The following PIEZO1 variants were observed in gnomAD, a reference collection of about 807,000 sequenced individuals.
PIEZO1 encodes the protein piezo type mechanosensitive ion channel component 1 (Er blood group).
Under a neutral mutation model 297.2 loss-of-function variants are expected in PIEZO1, and 296 were observed. The ratio of observed to expected loss-of-function variants is 1.00; its 90% CI spans 0.91 to 1.10. The LOEUF is 1.10. Among genes scored for constraint, PIEZO1 ranks in the 50% least tolerant of loss-of-function variants. The pLI is 0.00. For synonymous variants in PIEZO1, 2,427 were observed against 1,507.5 expected (o/e 1.61, Z -14.13); for missense variants, 5,018 against 3,455.5 (o/e 1.45, Z -11.34).
intron 1 of PIEZO1, among the ~76,000 whole-genome samples, chr16:88,767,621 G>C (rs1471903358): frequency 6.6e-6 from 1 of 152,150 alleles, no homozygotes; most frequent in Non-Finnish European, 1.5e-5. Context: ...CATTTGCAGG[G>C]GGAGCCCATG....
chr16:88,734,511 G>C lies in PIEZO1; in HGVS notation c.2025C>G (p.Phe675Leu). 5 of 1,546,710 alleles carry C rather than the reference G, an allele frequency of 3.2e-6. No homozygotes were observed. Among genetic ancestry groups the C allele is most frequent in the Non-Finnish European group, 4.4e-6 (5 of 1,145,074 alleles). Residue 675 changes from phenylalanine (F) to leucine (L), a missense_variant, in exon 16 of 51, where the codon TTC (phenylalanine) becomes TTG (leucine). Physicochemically the swap from Phe to Leu is conservative, Grantham distance 22 (BLOSUM62 0). Coordinates refer to ENST00000301015, the MANE Select transcript of PIEZO1 (RefSeq NM_001142864.4). ...EQLGDLGLEQ[F>L]SVSELFSSIL... ...TGCTGGAGAAGAGCTCGGACACGCT[G>C]AACTGCTCCAGGCCCAGGTCCCCCA...
chr16:88,725,173 G>C (rs1308090511), intron 29 of PIEZO1, 93 bp from the exon 30 acceptor site: 2 of 905,624 alleles, frequency 2.2e-6, no homozygotes, highest in Admixed American at 3.1e-5. Context: ...AGGATAGGTG[G>C]AGACAGACAC....
chr16:88,745,730 C>A (rs1283064569), intron 2 of PIEZO1: 2 of 115,808 alleles, frequency 1.7e-5, no homozygotes, highest in African/African-American at 6.9e-5. Flanking sequence ...GCCTGGGCAA[C>A]AGAACAAGAC....
chr16:88,737,042 G>T (rs781205106), intron 10 of PIEZO1: 1 of 311,132 alleles, frequency 3.2e-6, no homozygotes, highest in African/African-American at 2.2e-5. Flanking sequence ...CCCCAGGGCC[G>T]TGGCTTCATT....
Position 88,736,220 on chromosome 16 carries a change from G to T in PIEZO1, c.1485C>A (p.Thr495=). The T allele has an allele frequency of 1.3e-6, 2 of 1,549,762 alleles. No homozygotes were observed. Among genetic ancestry groups the T allele is most frequent in the Non-Finnish European group, 1.7e-6 (2 of 1,146,596 alleles). ...GCTGGCGCAGGCTGACGGGGCCCAG[G>T]GTGGTGGGCAGCTCAGGGCGCAGGT... ...AMDLRPELPT[T]LGPVSLRQLG... is the part of the protein sequence containing the mutation. The change falls in exon 12 of 51, where the codon ACC becomes ACA. Residue 495 remains threonine, a synonymous_variant. Transcript: ENST00000301015.
intron 1 of PIEZO1, among the ~76,000 whole-genome samples, chr16:88,781,330 G>A (rs57258486): frequency 0.21 from 31,734 of 152,238 alleles, 3,461 homozygotes; most frequent in Middle Eastern, 0.33. Flanking sequence ...AGCTGGGGCT[G>A]GAGCTCCCTG....
chr16:88,780,922 A>G (rs1266558011), intron 1 of PIEZO1, among the ~76,000 whole-genome samples: 1 of 152,210 alleles, frequency 6.6e-6, no homozygotes, highest in Non-Finnish European at 1.5e-5. Flanking sequence ...ACGCCGCTAC[A>G]CTCCAGCCTG....
chr16:88,733,716 G>A lies in PIEZO1; in HGVS notation c.2359C>T (p.Arg787Trp), dbSNP rs542916104. ...AAGCCGGCTGCCAGCTCCAGCAGCCGCTCAGCCACCAGGCCCCACTTGGCT... is the reference window on the plus strand; with the variant it reads ...AAGCCGGCTGCCAGCTCCAGCAGCCACTCAGCCACCAGGCCCCACTTGGCT... Reference protein sequence around the residue: ...GAAKWGLVAERLLELAAGFSD... With the variant: ...GAAKWGLVAEWLLELAAGFSD... The change falls in exon 18 of 51, where the codon CGG becomes TGG. Residue 787 changes from arginine to tryptophan, a missense_variant. Coordinates refer to ENST00000301015, the MANE Select transcript of PIEZO1 (RefSeq NM_001142864.4). The A allele has an allele frequency of 5.2e-6, 8 of 1,547,674 alleles. No homozygotes were observed. The highest frequency in any genetic ancestry group is 1.4e-5 in the African/African-American group (1 of 73,138).
Position 88,715,366 on chromosome 16 carries a change from A to AT in PIEZO1, c.*238dup, listed in dbSNP as rs1911905409. The AT allele has an allele frequency of 1.7e-6, 2 of 1,208,128 alleles. No homozygotes were observed. The highest frequency in any genetic ancestry group is 2.3e-6 in the Non-Finnish European group (2 of 879,556). The allele number at this position is 1,208,128 out of a possible 1,614,324, so 74.8% of individuals were successfully genotyped here. On this transcript the variant is annotated 3_prime_UTR_variant, in exon 51 of 51. Coordinates refer to ENST00000301015, the MANE Select transcript of PIEZO1 (RefSeq NM_001142864.4). ...GATTGTCCATTTGTATAAATAAAAC[A>AT]TTTTTTAATTAAAAAAAAAACTCTA...
chr16:88,737,738 T>A lies in PIEZO1; in HGVS notation c.1097A>T (p.Glu366Val). The A allele has an allele frequency of 2.0e-6, 3 of 1,535,312 alleles. No individual in the cohort carries two copies. Among genetic ancestry groups the A allele is most frequent in the East Asian group, 4.9e-5 (2 of 40,838 alleles). The change falls in exon 9 of 51, where the codon GAG becomes GTG. Residue 366 changes from glutamate to valine, a missense_variant. Coordinates refer to ENST00000301015, the MANE Select transcript of PIEZO1 (RefSeq NM_001142864.4). Reference protein sequence around the residue: ...AELDQWPQERESDQHVVPTAP... With the variant: ...AELDQWPQERVSDQHVVPTAP... ...TGCCTGGCTGCTCACCTGGTCAGAC[T>A]CCCGTTCCTGGGGCCACTGGTCCAG...
chr16:88,732,897 G>A (rs983519582), intron 19 of PIEZO1, 165 bp from the exon 20 acceptor site: 3 of 691,934 alleles, frequency 4.3e-6, no homozygotes, highest in South Asian at 1.9e-5. Context: ...GGGACCAGGT[G>A]TTTGAGAAAC....
At chr16:88,750,074 C>T (rs1230919809) in intron 1 of PIEZO1, among the ~76,000 whole-genome samples, 1 of 151,360 alleles carries the variant, frequency 6.6e-6, no homozygotes, top group African/African-American at 2.4e-5. Flanking sequence ...GTGGCTCACG[C>T]CTGTAATCCC....
rs766830231 is a variant in PIEZO1, at chr16:88,721,350, C to T, written c.5484G>A (p.Glu1828=). Residue 1828 remains glutamate, a synonymous_variant, in exon 39 of 51, where the codon GAG becomes GAA. Coordinates refer to ENST00000301015, the MANE Select transcript of PIEZO1 (RefSeq NM_001142864.4). ...DKSGEEEQGA[E]EGPGVPAATT... ...TGGCCGCAGGCACCCCTGGCCCCTC[C>T]TCGGCTCCCTGCTCCTCCTCGCCGC... 6.5e-6 allele frequency: 10 copies of T among 1,548,810 alleles called. No individual in the cohort carries two copies. The South Asian group carries it at 9.5e-5, about 15-fold the overall frequency.
chr16:88,728,222 C>T (rs1315766425), intron 22 of PIEZO1, among the ~76,000 whole-genome samples: 1 of 152,234 alleles, frequency 6.6e-6, no homozygotes, highest in African/African-American at 2.4e-5. Flanking sequence ...CGGCCGGGGC[C>T]TGCTGGGGAG....
At chr16:88,761,662 G>A (rs184336581) in intron 1 of PIEZO1, among the ~76,000 whole-genome samples, 4 of 152,272 alleles carry the variant, frequency 2.6e-5, no homozygotes, top group African/African-American at 9.6e-5. Context: ...AAGCAGAGAT[G>A]AGAATGCCCC....
In PIEZO1 at chr16:88,720,369, C is replaced by T. The variant is rs916760140; in HGVS notation, c.5949+16G>A. ...AGCTCTGCGTACACTGGGTTTGGGTCCCGGGCCTGGCTCACCCCAAAGGCC... is the reference window on the plus strand; with the variant it reads ...AGCTCTGCGTACACTGGGTTTGGGTTCCGGGCCTGGCTCACCCCAAAGGCC... On this transcript the variant is annotated intron_variant, in intron 41 of 50. Coordinates refer to ENST00000301015, the MANE Select transcript of PIEZO1 (RefSeq NM_001142864.4). 1 of 1,550,228 alleles carries T rather than the reference C, an allele frequency of 6.5e-7. No homozygotes were observed. Among genetic ancestry groups the T allele is most frequent in the Non-Finnish European group, 8.7e-7 (1 of 1,146,894 alleles).
chr16:88,747,208 G>A (rs1450810401), intron 2 of PIEZO1, among the ~76,000 whole-genome samples: 2 of 149,588 alleles, frequency 1.3e-5, no homozygotes, highest in Non-Finnish European at 3.0e-5. Context: ...TCCAGCCTGG[G>A]CAACCAAGCA....
chr16:88,779,363 G>A (rs1431757695), intron 1 of PIEZO1, among the ~76,000 whole-genome samples: 1 of 152,132 alleles, frequency 6.6e-6, no homozygotes, highest in Non-Finnish European at 1.5e-5. Context: ...GGACGGCGTC[G>A]GGGGAGCCCC....
intron 1 of PIEZO1, among the ~76,000 whole-genome samples, chr16:88,777,647 T>C (rs1907726904): frequency 6.6e-6 from 1 of 152,270 alleles, no homozygotes; most frequent in South Asian, 2.1e-4. Context: ...TGTGTCGTTT[T>C]AAACGGTACT....
Sources: allele counts gnomAD v4.1 joint callset (sites outside exome capture counted in the v4.1 genomes callset), GRCh38; gene constraint gnomAD v4.1.1; transcripts MANE v1.5; gene names NCBI Gene and HGNC (gene_info 2026-07-23, HGNC 2026-07-21).